The following CDK7 variants were observed in gnomAD, a reference collection of about 807,000 sequenced individuals.
CDK7 encodes cyclin dependent kinase 7.
CDK7 carries 25 observed loss-of-function variants against 49.1 expected under a neutral mutation model. The observed-to-expected ratio is 0.51, with a 90% CI of 0.37 to 0.71. CDK7 has a LOEUF of 0.71. Ranked by LOEUF, CDK7 falls within the 30% of genes least tolerant of loss-of-function variation. The pLI is 0.00. For synonymous variants in CDK7, 107 were observed against 140.0 expected, an observed-to-expected ratio of 0.76 and a Z score of 1.67; for missense variants, 316 against 411.7, an observed-to-expected ratio of 0.77 and a Z score of 2.01.
chr5:69,251,178 A>G (rs1370890937), intron 2 of CDK7, among the ~76,000 whole-genome samples: 1 of 151,242 alleles, frequency 6.6e-6, no homozygotes, highest in Non-Finnish European at 1.5e-5. Context: ...GCTCACTGCA[A>G]GCTCCGCCTC....
intron 8 of CDK7, among the ~76,000 whole-genome samples, chr5:69,267,800 C>T (rs1028159583): frequency 1.3e-4 from 20 of 152,124 alleles, no homozygotes; most frequent in African/African-American, 4.8e-4. Flanking sequence ...CAAAAGCACA[C>T]CAATTCTTAA....
chr5:69,269,392 A>T, intron 9 of CDK7, 99 bp downstream of exon 9: 1 of 741,738 alleles, frequency 1.3e-6, no homozygotes, highest in Non-Finnish European at 2.2e-6. Context: ...AATATTAAAG[A>T]CATTCATTAT....
intron 11 of CDK7, 59 bp downstream of exon 11, chr5:69,276,749 G>C (rs766530613): frequency 5.6e-6 from 8 of 1,436,468 alleles, no homozygotes; most frequent in Non-Finnish European, 7.7e-6. Flanking sequence ...AATAGCTCGT[G>C]TATGGCTAGC....
At chr5:69,245,306 CT>C (rs1749673798) in intron 2 of CDK7, among the ~76,000 whole-genome samples, 1 of 134,122 alleles carries the variant, frequency 7.5e-6, no homozygotes, top group Non-Finnish European at 1.6e-5. Context: ...TCCCCCTCCC[CT>C]TCCCCCTCCC....
chr5:69,272,965 C>T lies in CDK7; in HGVS notation c.788C>T (p.Ala263Val). 1 of 1,570,192 alleles carries T rather than the reference C, an allele frequency of 6.4e-7. No individual in the cohort carries two copies. Among genetic ancestry groups the T allele is most frequent in the South Asian group, 1.2e-5 (1 of 84,958 alleles). ...PGIPLHHIFS[A>V]AGDDLLDLIQ... ...ATACCTTTGCATCACATCTTCAGTG[C>T]AGCAGGAGACGACTTACTAGATCTC... The change falls in exon 10 of 12, where the codon GCA becomes GTA. Residue 263 changes from alanine to valine, a missense_variant. Ala to Val is a moderately conservative substitution (Grantham distance 64, BLOSUM62 0). Coordinates refer to ENST00000256443, the MANE Select transcript of CDK7 (RefSeq NM_001799.4).
chr5:69,251,266 T>C (rs1750125395), intron 2 of CDK7, among the ~76,000 whole-genome samples: 1 of 151,804 alleles, frequency 6.6e-6, no homozygotes, highest in South Asian at 2.1e-4. Flanking sequence ...CCTGGCTAAT[T>C]TCTGTATTTT....
intron 8 of CDK7, among the ~76,000 whole-genome samples, chr5:69,264,182 G>A (rs184788562): frequency 3.3e-5 from 5 of 152,102 alleles, no homozygotes; most frequent in Admixed American, 2.0e-4. Context: ...AAAATTCACC[G>A]CCCCCAGCCC....
At chr5:69,237,651 A>C (rs1319091915) in intron 2 of CDK7, among the ~76,000 whole-genome samples, 11 of 152,142 alleles carry the variant, frequency 7.2e-5, no homozygotes, top group Non-Finnish European at 1.6e-4. Flanking sequence ...GACACTGTTA[A>C]AAATGTATTG....
Position 69,235,417 on chromosome 5 carries a change from A to C in CDK7, c.90A>C (p.Arg30Ser), listed in dbSNP as rs1302332585. The change falls in exon 2 of 12, where the codon AGA becomes AGC. Residue 30 changes from arginine to serine, a missense_variant. Coordinates refer to ENST00000256443, the MANE Select transcript of CDK7 (RefSeq NM_001799.4). ...EGQFATVYKARDKNTNQIVAI... is the reference protein window; with the variant it reads ...EGQFATVYKASDKNTNQIVAI... ...AGTTTGCCACCGTTTACAAGGCCAG[A>C]GATAAGAACACCAACCAAATTGTCG... is the stretch of plus-strand genomic sequence containing the variant. 1 of 1,605,174 alleles carries C rather than the reference A, an allele frequency of 6.2e-7. No individual in the cohort carries two copies. Among genetic ancestry groups the C allele is most frequent in the African/African-American group, 1.3e-5 (1 of 74,622 alleles).
Position 69,237,891 on chromosome 5 carries a change from G to C in CDK7, c.126+2438G>C, listed in dbSNP as rs1190818772. Among the ~76,000 whole-genome samples the C allele has an allele frequency of 2.6e-5, 4 of 152,290 alleles. No homozygotes were observed. The South Asian group carries it at 8.3e-4, about 32-fold the overall frequency. On this transcript the variant is annotated intron_variant, in intron 2 of 11. Transcript: ENST00000256443. Reference sequence around the variant, plus strand: ...CTAATTGCTGGGATTACACGTGTGAGTCACTATGCCTGGCCTATTTCTTGA... The same window carrying C: ...CTAATTGCTGGGATTACACGTGTGACTCACTATGCCTGGCCTATTTCTTGA...
intron 2 of CDK7, among the ~76,000 whole-genome samples, chr5:69,241,278 A>C (rs1749353021): frequency 6.7e-6 from 1 of 149,312 alleles, no homozygotes; most frequent in South Asian, 2.1e-4. Context: ...AAGCCATTTA[A>C]ACTTAGGTGA....
At chr5:69,258,762 A>C (rs986602608) in intron 6 of CDK7, among the ~76,000 whole-genome samples, 10 of 152,134 alleles carry the variant, frequency 6.6e-5, no homozygotes, top group African/African-American at 2.4e-4. Flanking sequence ...TTGGCTGCTG[A>C]TAATGGACAG....
chr5:69,261,502 G>A (rs1242438014), intron 7 of CDK7, among the ~76,000 whole-genome samples: 1 of 136,050 alleles, frequency 7.4e-6, no homozygotes, highest in African/African-American at 2.5e-5. Context: ...GTGTGTGTGT[G>A]TGTGTGTGTG....
chr5:69,270,478 T>C (rs1356657685), intron 9 of CDK7, among the ~76,000 whole-genome samples: 2 of 152,138 alleles, frequency 1.3e-5, no homozygotes, highest in African/African-American at 4.8e-5. Context: ...ACAGACATAT[T>C]TCACGGACCC....
intron 8 of CDK7, among the ~76,000 whole-genome samples, chr5:69,265,784 C>T (rs894154225): frequency 2.6e-5 from 4 of 152,136 alleles, no homozygotes; most frequent in South Asian, 2.1e-4. Context: ...GTATTGAGTG[C>T]GTGTTTTCCC....
intron 11 of CDK7, 126 bp downstream of exon 11, chr5:69,276,816 A>G: frequency 1.2e-6 from 1 of 862,102 alleles, no homozygotes; most frequent in Non-Finnish European, 1.8e-6. Flanking sequence ...TATAAATTTA[A>G]TTGTATAAAG....
intron 3 of CDK7, among the ~76,000 whole-genome samples, 198 bp from the exon 4 acceptor site, chr5:69,254,403 TC>T (rs1437348264): frequency 6.6e-6 from 1 of 150,690 alleles, no homozygotes; most frequent in African/African-American, 2.4e-5. Flanking sequence ...GTGCCTGTAA[TC>T]CCTGCTACTC....
intron 2 of CDK7, among the ~76,000 whole-genome samples, chr5:69,247,492 C>T (rs1228104113): frequency 1.3e-5 from 2 of 150,248 alleles, no homozygotes; most frequent in African/African-American, 4.9e-5. Context: ...TTCTTGTAGG[C>T]AACAGATCTT....
intron 9 of CDK7, among the ~76,000 whole-genome samples, chr5:69,271,513 CTT>C (rs56035306): frequency 0.45 from 60,236 of 134,026 alleles, 13,024 homozygotes; most frequent in South Asian, 0.56. Context: ...ATTTTTTTTT[CTT>C]TTTTTTTTTT....
Sources: gnomAD v4.1 joint callset for allele counts (sites outside exome capture counted in the v4.1 genomes callset) on GRCh38, gnomAD v4.1.1 for gene constraint, MANE v1.5 for transcripts, NCBI Gene and HGNC (gene_info 2026-07-23, HGNC 2026-07-21) for gene names.